The following LRP1B variants were observed in gnomAD, a reference collection of about 807,000 sequenced individuals.
The protein encoded by LRP1B is low-density lipoprotein receptor-related protein 1B.
LRP1B carries 217 observed loss-of-function variants against 556.6 expected under a neutral mutation model. The ratio of observed to expected loss-of-function variants is 0.39; its 90% CI spans 0.35 to 0.44. The LOEUF (loss-of-function observed/expected upper bound fraction) is 0.44. Ranked by LOEUF, LRP1B falls within the 20% of genes least tolerant of loss-of-function variation. LRP1B has a pLI of 1.00. For missense variants in LRP1B, 5,053 were observed against 5,620.8 expected, an observed-to-expected ratio of 0.90 and a Z score of 3.23; for synonymous variants, 2,047 against 1,865.8, an observed-to-expected ratio of 1.10 and a Z score of -2.50.
intron 66 of LRP1B, among the ~76,000 whole-genome samples, chr2:140,403,140 C>T (rs543182006): frequency 6.6e-6 from 1 of 152,108 alleles, no homozygotes; most frequent in Admixed American, 6.5e-5. Flanking sequence ...ATGGTCAAAT[C>T]AAAAATAAAT....
chr2:140,350,058 A>C (rs1295773223), intron 77 of LRP1B, among the ~76,000 whole-genome samples: 1 of 152,068 alleles, frequency 6.6e-6, no homozygotes, highest in Non-Finnish European at 1.5e-5. Context: ...CTGCTGGGAC[A>C]CCACTTGACT....
At chr2:140,334,850 AACTC>A (rs1680988076) in intron 78 of LRP1B, among the ~76,000 whole-genome samples, 1 of 152,068 alleles carries the variant, frequency 6.6e-6, no homozygotes, top group Admixed American at 6.6e-5. Flanking sequence ...ATTTCATTAA[AACTC>A]AGAGAAAAAA....
chr2:141,433,740 G>C (rs550612641), intron 3 of LRP1B, among the ~76,000 whole-genome samples: 1 of 151,744 alleles, frequency 6.6e-6, no homozygotes, highest in South Asian at 2.1e-4. Context: ...GTCTGAGCGT[G>C]GTTCTCTTTG....
chr2:140,896,262 G>C (rs2105211355), intron 23 of LRP1B, among the ~76,000 whole-genome samples: 1 of 151,948 alleles, frequency 6.6e-6, no homozygotes, highest in African/African-American at 2.4e-5. Context: ...TGAGATTTGA[G>C]ATATATTAAA....
chr2:141,688,570 G>C (rs574243838), intron 2 of LRP1B, among the ~76,000 whole-genome samples: 1 of 151,774 alleles, frequency 6.6e-6, no homozygotes, highest in Non-Finnish European at 1.5e-5. Flanking sequence ...GAAAGTGAAA[G>C]CAAATACCTC....
At chr2:141,729,534 A>G (rs775723656) in intron 2 of LRP1B, among the ~76,000 whole-genome samples, 4 of 152,242 alleles carry the variant, frequency 2.6e-5, no homozygotes, top group Non-Finnish European at 5.9e-5. Context: ...TGGAAGTACA[A>G]CCCAGGATGT....
At chr2:140,881,256 G>GTA (rs2105181777) in intron 25 of LRP1B, among the ~76,000 whole-genome samples, 1 of 150,668 alleles carries the variant, frequency 6.6e-6, no homozygotes, top group South Asian at 2.1e-4. Context: ...TGCTGTAAGT[G>GTA]TGTGTGTGTG....
intron 35 of LRP1B, among the ~76,000 whole-genome samples, chr2:140,748,591 G>GTGTATATATATATA (rs1361412390): frequency 2.5e-4 from 18 of 73,316 alleles, no homozygotes; most frequent in East Asian, 5.8e-4. Flanking sequence ...TATACAGTGT[G>GTGTATATATATATA]TATATATATA....
chr2:141,477,571 T>C (rs760378888), intron 3 of LRP1B, among the ~76,000 whole-genome samples: 3 of 152,172 alleles, frequency 2.0e-5, no homozygotes, highest in Non-Finnish European at 4.4e-5. Context: ...TATATAAACG[T>C]TGCAAATCTA....
chr2:141,755,580 C>A (rs997624203), intron 2 of LRP1B, among the ~76,000 whole-genome samples: 8 of 151,874 alleles, frequency 5.3e-5, no homozygotes, highest in African/African-American at 1.9e-4. Flanking sequence ...AGGTAAAAAC[C>A]TTTTGGAGGG....
intron 2 of LRP1B, among the ~76,000 whole-genome samples, chr2:141,572,800 G>T (rs1352757230): frequency 6.6e-6 from 1 of 152,106 alleles, no homozygotes; most frequent in Non-Finnish European, 1.5e-5. Context: ...TGCAATCCTA[G>T]TCTCTGACAA....
intron 20 of LRP1B, among the ~76,000 whole-genome samples, chr2:140,938,572 A>G (rs1249023534): frequency 6.6e-6 from 1 of 152,044 alleles, no homozygotes; most frequent in Non-Finnish European, 1.5e-5. Flanking sequence ...AAGTTAGGGG[A>G]AAAAGGAGAT....
intron 49 of LRP1B, 151 bp downstream of exon 49, chr2:140,525,693 G>A (rs1690401446): frequency 1.5e-6 from 1 of 649,330 alleles, no homozygotes; most frequent in Non-Finnish European, 2.6e-6. Context: ...GGTATGTTTA[G>A]AACAGGTTAA....
chr2:142,041,508 G>T (rs1280882624), intron 1 of LRP1B, among the ~76,000 whole-genome samples: 2 of 151,390 alleles, frequency 1.3e-5, no homozygotes, highest in Non-Finnish European at 3.0e-5. Flanking sequence ...TATGAATGAA[G>T]AAACAAACCC....
At chr2:141,397,436 GT>G (rs1690281449) in intron 3 of LRP1B, among the ~76,000 whole-genome samples, 1 of 150,980 alleles carries the variant, frequency 6.6e-6, no homozygotes, top group Admixed American at 6.6e-5. Flanking sequence ...ACAACTCATA[GT>G]ATTTCTAGTA....
At chr2:140,238,064 G>GA in intron 89 of LRP1B, 88 bp downstream of exon 89, 1 of 1,214,272 alleles carries the variant, frequency 8.2e-7, no homozygotes, top group Non-Finnish European at 1.1e-6. Context: ...TCAGATAACA[G>GA]AAAAACTTGG....
At chr2:141,394,299 A>T (rs1690163155) in intron 3 of LRP1B, among the ~76,000 whole-genome samples, 1 of 152,050 alleles carries the variant, frequency 6.6e-6, no homozygotes, top group African/African-American at 2.4e-5. Context: ...GTAAAATAAG[A>T]CCATTTTAGT....
chr2:140,669,746 T>A (rs2105355832), intron 41 of LRP1B, among the ~76,000 whole-genome samples: 1 of 152,186 alleles, frequency 6.6e-6, no homozygotes, highest in East Asian at 1.9e-4. Context: ...AAAATAAATT[T>A]AGGAACTGGA....
At chr2:141,276,731 A>C (rs1355051621) in intron 3 of LRP1B, among the ~76,000 whole-genome samples, 1 of 142,110 alleles carries the variant, frequency 7.0e-6, no homozygotes, top group African/African-American at 2.7e-5. Flanking sequence ...ATCTTGGCTC[A>C]CTGCAAGCTC....
Sources: gnomAD v4.1 joint callset for allele counts (sites outside exome capture counted in the v4.1 genomes callset) on GRCh38, gnomAD v4.1.1 for gene constraint, MANE v1.5 for transcripts, NCBI Gene and HGNC (gene_info 2026-07-23, HGNC 2026-07-21) for gene names.